LCP1: variants seen among roughly 807,000 people sequenced by gnomAD.
The protein encoded by LCP1 is lymphocyte cytosolic protein 1.
LCP1 carries 23 observed loss-of-function variants against 72.0 expected under a neutral mutation model. The ratio of observed to expected loss-of-function variants is 0.32; its 90% CI spans 0.23 to 0.45. The LOEUF (loss-of-function observed/expected upper bound fraction) is 0.45, where lower values mean the gene tolerates loss of function less well. Ranked by LOEUF, LCP1 falls within the 20% of genes least tolerant of loss-of-function variation. The pLI, the probability that LCP1 is intolerant of heterozygous loss-of-function variation, is 1.00. For missense variants in LCP1, 571 were observed against 748.3 expected, an observed-to-expected ratio of 0.76 and a Z score of 2.76; for synonymous variants, 245 against 275.4, an observed-to-expected ratio of 0.89 and a Z score of 1.09.
intron 8 of LCP1, among the ~76,000 whole-genome samples, chr13:46,150,032 G>A (rs1037634288): frequency 2.0e-5 from 3 of 152,182 alleles, no homozygotes; most frequent in South Asian, 4.1e-4. Context: ...CCTGACACAC[G>A]CTGAGTTCTA....
chr13:46,178,412 A>G (rs543756897), intron 1 of LCP1, among the ~76,000 whole-genome samples: 3 of 152,290 alleles, frequency 2.0e-5, no homozygotes, highest in Non-Finnish European at 4.4e-5. Context: ...TCAGAAGGGA[A>G]CTGAGGAAAG....
At position 46,154,000 on chromosome 13, in the gene LCP1, TG is replaced by T. The variant is rs537081149; in HGVS notation, c.573+804del. On this transcript the variant is annotated intron_variant, in intron 6 of 15. Transcript: ENST00000323076. Reference sequence around the variant, plus strand: ...AGAGATGTATAGAAATTGTTTTAATTGGCAAATTAAAAACAAAGCAAAGGCC... The same window carrying T: ...AGAGATGTATAGAAATTGTTTTAATTGCAAATTAAAAACAAAGCAAAGGCC... Among the ~76,000 whole-genome samples, 13 of 152,320 alleles carry T rather than the reference TG, an allele frequency of 8.5e-5. No homozygotes were observed. The East Asian group carries it at 2.5e-3, about 29-fold the overall frequency.
At position 46,142,300 on chromosome 13, in the gene LCP1, T is replaced by C. The variant is rs372830368; in HGVS notation, c.1494A>G (p.Leu498=). The C allele has an allele frequency of 2.5e-6, 4 of 1,613,574 alleles. No individual in the cohort carries two copies. The highest frequency in any genetic ancestry group is 2.2e-5 in the East Asian group (1 of 44,888). ...RTLTLALIWQ[L]MRRYTLNILE... ...TCCATAAGCTATACTACCTTCTCAT[T>C]AGCTGCCAAATCAAGGCCAGTGTGA... The change falls in exon 13 of 16, where the codon CTA becomes CTG. Residue 498 remains leucine, a synonymous_variant. Coordinates refer to ENST00000323076, the MANE Select transcript of LCP1 (RefSeq NM_002298.5).
At chr13:46,176,743 T>C (rs1300155313) in intron 1 of LCP1, among the ~76,000 whole-genome samples, 1 of 152,216 alleles carries the variant, frequency 6.6e-6, no homozygotes, top group African/African-American at 2.4e-5. Context: ...CATGCATAAT[T>C]AATCTGCTTG....
chr13:46,142,924 G>A lies in LCP1; in HGVS notation c.1368+366C>T, dbSNP rs1593947957. ...TGTTTCAAAACAATGTTCCCACTGT[G>A]TTGACAGTCGACAAACTGTTTGAAC... On this transcript the variant is annotated intron_variant, in intron 12 of 15. Transcript: ENST00000323076. The A allele has an allele frequency of 8.4e-6, 3 of 358,846 alleles. No homozygotes were observed. The East Asian group carries it at 2.4e-4, about 28-fold the overall frequency. The allele number at this position is 358,846 out of a possible 1,614,324, so 22.2% of individuals were successfully genotyped here.
At chr13:46,127,888 G>T (rs761611069) in intron 15 of LCP1, among the ~76,000 whole-genome samples, 165 bp from the exon 16 acceptor site, 1 of 152,128 alleles carries the variant, frequency 6.6e-6, no homozygotes, top group Admixed American at 6.5e-5. Context: ...ACAAATTTTG[G>T]CTCAACCAAA....
chr13:46,162,058 G>C (rs1385841462), intron 1 of LCP1, among the ~76,000 whole-genome samples: 1 of 152,082 alleles, frequency 6.6e-6, no homozygotes, highest in Non-Finnish European at 1.5e-5. Context: ...GTATAGATCA[G>C]AAAACAGTAT....
chr13:46,145,064 T>C (rs1384159292), intron 10 of LCP1, among the ~76,000 whole-genome samples: 1 of 152,184 alleles, frequency 6.6e-6, no homozygotes, highest in African/African-American at 2.4e-5. Flanking sequence ...GCAAGGTCTC[T>C]ATTAAGAACA....
intron 1 of LCP1, among the ~76,000 whole-genome samples, chr13:46,172,716 C>T (rs1313223279): frequency 6.6e-6 from 1 of 152,124 alleles, no homozygotes; most frequent in East Asian, 1.9e-4. Flanking sequence ...CCACTCACCA[C>T]AGGTAATGTG....
intron 7 of LCP1, among the ~76,000 whole-genome samples, chr13:46,151,962 G>GCTA (rs2138249848): frequency 6.6e-6 from 1 of 152,320 alleles, no homozygotes; most frequent in African/African-American, 2.4e-5. Flanking sequence ...AAGATTGACA[G>GCTA]CTACATATTT....
chr13:46,129,606 T>C lies in LCP1; in HGVS notation c.1751+1208A>G, dbSNP rs1398892150. The stretch of plus-strand genomic sequence containing the variant: ...TAGTTTAATTATTTATTTCTCTCCA[T>C]TAAATTGTGTTAAACTTTGGCATCC... On this transcript the variant is annotated intron_variant, in intron 15 of 15. Transcript: ENST00000323076. 2.0e-5 allele frequency among the ~76,000 whole-genome samples: 3 copies of C among 152,278 alleles called. No homozygotes were observed. The East Asian group carries it at 5.8e-4, about 29-fold the overall frequency.
At position 46,154,197 on chromosome 13, in the gene LCP1, T is replaced by C. The variant is rs147471767; in HGVS notation, c.573+608A>G. On this transcript the variant is annotated intron_variant, in intron 6 of 15. Coordinates refer to ENST00000323076, the MANE Select transcript of LCP1 (RefSeq NM_002298.5). ...GTTCTCAATTTGGTTACCATTTCCATTTTTAAAGTACACAAGGTTGCTTAA... is the reference window on the plus strand; with the variant it reads ...GTTCTCAATTTGGTTACCATTTCCACTTTTAAAGTACACAAGGTTGCTTAA... Among the ~76,000 whole-genome samples the C allele has an allele frequency of 2.4e-3, 372 of 152,350 alleles. 1 individual carries two copies. Among genetic ancestry groups the C allele is most frequent in the African/African-American group, 8.6e-3 (359 of 41,584 alleles).
chr13:46,152,726 C>T (rs990277994), intron 7 of LCP1, 54 bp downstream of exon 7: 22 of 1,567,024 alleles, frequency 1.4e-5, no homozygotes, highest in Non-Finnish European at 1.6e-5. Flanking sequence ...CAGTCCCCAA[C>T]GCGTAAGTTA....
At chr13:46,153,014 C>A in intron 6 of LCP1, 69 bp from the exon 7 acceptor site, 2 of 1,437,438 alleles carry the variant, frequency 1.4e-6, no homozygotes, top group South Asian at 2.7e-5. Flanking sequence ...CCGATGGCAA[C>A]AGTAACAATG....
chr13:46,134,406 T>C (rs1159511573), intron 13 of LCP1, among the ~76,000 whole-genome samples, 156 bp from the exon 14 acceptor site: 1 of 152,202 alleles, frequency 6.6e-6, no homozygotes, highest in Non-Finnish European at 1.5e-5. Context: ...ATTACAACAT[T>C]AGTTCCTTTT....
In LCP1 at chr13:46,130,853, G is replaced by A. The variant is rs2045629327; in HGVS notation, c.1712C>T (p.Thr571Ile). ...TTTCTCATCATCATTCAGATTTTCT[G>A]TCTTCAGAAGGTCATAGTTAATGGA... is the stretch of plus-strand genomic sequence containing the variant. ...PGSINYDLLK[T>I]ENLNDDEKLN... is the part of the protein sequence containing the mutation. The change falls in exon 15 of 16, where the codon ACA becomes ATA. Residue 571 changes from threonine to isoleucine, a missense_variant. Coordinates refer to ENST00000323076, the MANE Select transcript of LCP1 (RefSeq NM_002298.5). 6.2e-7 allele frequency: 1 copy of A among 1,613,278 alleles called. No homozygotes were observed.
intron 10 of LCP1, among the ~76,000 whole-genome samples, chr13:46,145,399 C>CA (rs2045723486): frequency 6.6e-6 from 1 of 151,972 alleles, no homozygotes; most frequent in Non-Finnish European, 1.5e-5. Context: ...ATGGAGACTC[C>CA]AAGATCCATT....
chr13:46,159,045 A>T (rs1035553085), intron 2 of LCP1, 56 bp from the exon 3 acceptor site: 1 of 1,551,322 alleles, frequency 6.4e-7, no homozygotes, highest in African/African-American at 1.4e-5. Context: ...CAGCTTTTAG[A>T]GAGGTGAGGG....
chr13:46,151,305 G>A (rs1251077971), intron 7 of LCP1, among the ~76,000 whole-genome samples: 1 of 152,194 alleles, frequency 6.6e-6, no homozygotes, highest in Non-Finnish European at 1.5e-5. Context: ...TCCAGATGGA[G>A]AAAACAAAGC....
Sources: gnomAD v4.1 joint callset for allele counts (sites outside exome capture counted in the v4.1 genomes callset) on GRCh38, gnomAD v4.1.1 for gene constraint, MANE v1.5 for transcripts, NCBI Gene and HGNC (gene_info 2026-07-23, HGNC 2026-07-21) for gene names.